Variants in PTPRD observed in about 807,000 individuals in gnomAD.
The protein encoded by PTPRD is protein tyrosine phosphatase receptor type D.
PTPRD carries 34 observed loss-of-function variants against 214.5 expected under a neutral mutation model. The ratio of observed to expected loss-of-function variants is 0.16; its 90% CI spans 0.12 to 0.21. The LOEUF (loss-of-function observed/expected upper bound fraction) is 0.21. Among genes scored for constraint, PTPRD ranks in the 10% least tolerant of loss-of-function variants. The pLI is 1.00. For missense variants in PTPRD, 2,545 were observed against 2,398.7 expected (o/e 1.06, Z -1.27); for synonymous variants, 1,128 against 845.7 (o/e 1.33, Z -5.79).
intron 2 of PTPRD, among the ~76,000 whole-genome samples, chr9:10,599,749 T>G (rs1427201708): frequency 6.6e-6 from 1 of 151,820 alleles, no homozygotes; most frequent in Non-Finnish European, 1.5e-5. Context: ...AAGATTGCTC[T>G]ATTTTAAAAA....
intron 39 of PTPRD, among the ~76,000 whole-genome samples, chr9:8,342,999 T>A (rs879289875): frequency 6.6e-6 from 1 of 152,024 alleles, no homozygotes; most frequent in East Asian, 1.9e-4. Context: ...GGGAGCTACA[T>A]GTGAAATTTT....
At chr9:8,560,448 C>T (rs2085741761) in intron 14 of PTPRD, among the ~76,000 whole-genome samples, 1 of 136,654 alleles carries the variant, frequency 7.3e-6, no homozygotes, top group Non-Finnish European at 1.5e-5. Context: ...CATACACACA[C>T]ACACACACAC....
intron 3 of PTPRD, among the ~76,000 whole-genome samples, chr9:10,110,411 G>C (rs1283910208): frequency 1.3e-5 from 2 of 152,134 alleles, no homozygotes; most frequent in African/African-American, 4.8e-5. Context: ...TTTTACATTT[G>C]GTTTTCTGTC....
intron 4 of PTPRD, among the ~76,000 whole-genome samples, chr9:9,980,632 A>C (rs1313309667): frequency 4.3e-5 from 2 of 46,890 alleles, no homozygotes; most frequent in African/African-American, 1.6e-4. Context: ...AAAAAAAAAA[A>C]AACAAAAAAA....
At chr9:8,852,051 C>T (rs1015784395) in intron 11 of PTPRD, among the ~76,000 whole-genome samples, 1 of 66,888 alleles carries the variant, frequency 1.5e-5, no homozygotes, top group African/African-American at 8.3e-5. Context: ...AATCCATCTA[C>T]TAACGGTTTA....
At chr9:8,880,838 G>T (rs2098439833) in intron 11 of PTPRD, among the ~76,000 whole-genome samples, 1 of 152,088 alleles carries the variant, frequency 6.6e-6, no homozygotes, top group African/African-American at 2.4e-5. Context: ...AGGCTGGAGT[G>T]CAGTGGTGCA....
At chr9:10,138,284 C>A (rs940455113) in intron 3 of PTPRD, among the ~76,000 whole-genome samples, 1 of 151,988 alleles carries the variant, frequency 6.6e-6, no homozygotes, top group Non-Finnish European at 1.5e-5. Flanking sequence ...AGTAGGAAAT[C>A]CAGAGGACAT....
At chr9:8,720,845 GGA>G (rs1284507391) in intron 12 of PTPRD, among the ~76,000 whole-genome samples, 3 of 152,014 alleles carry the variant, frequency 2.0e-5, no homozygotes, top group Admixed American at 2.0e-4. Context: ...CAATGAACCT[GGA>G]TAACTCTGGA....
Position 9,014,420 on chromosome 9 carries a change from T to A in PTPRD, c.-104+4277A>T, listed in dbSNP as rs994152819. On this transcript the variant is annotated intron_variant, in intron 11 of 45. Transcript: ENST00000381196. The stretch of plus-strand genomic sequence containing the variant: ...AAATGTCACCTAATAGTACAGCTTT[T>A]TACTTTGAACTTTTCTACATACTAA... Among the ~76,000 whole-genome samples the A allele has an allele frequency of 6.6e-5, 10 of 152,232 alleles. No individual in the cohort carries two copies. The South Asian group carries it at 1.0e-3, about 16-fold the overall frequency.
chr9:8,849,779 A>G (rs1444880993), intron 11 of PTPRD, among the ~76,000 whole-genome samples: 1 of 152,134 alleles, frequency 6.6e-6, no homozygotes, highest in Admixed American at 6.6e-5. Flanking sequence ...CTAGACATGC[A>G]ATTTGGGAGC....
At chr9:10,360,015 A>G (rs1003651205) in intron 2 of PTPRD, among the ~76,000 whole-genome samples, 3 of 152,214 alleles carry the variant, frequency 2.0e-5, no homozygotes, top group Non-Finnish European at 4.4e-5. Flanking sequence ...CATTTTTCTC[A>G]ATGTTCCTTT....
intron 11 of PTPRD, among the ~76,000 whole-genome samples, chr9:8,956,008 T>C (rs538636461): frequency 1.3e-4 from 20 of 152,040 alleles, no homozygotes; most frequent in African/African-American, 4.8e-4. Context: ...CCATCAAGTA[T>C]CCTTTAGAAA....
intron 7 of PTPRD, among the ~76,000 whole-genome samples, chr9:9,702,366 T>C (rs2097523548): frequency 6.6e-6 from 1 of 152,304 alleles, no homozygotes; most frequent in Non-Finnish European, 1.5e-5. Context: ...CACAACAGTA[T>C]AATATCATGG....
intron 11 of PTPRD, among the ~76,000 whole-genome samples, chr9:8,769,842 C>T (rs2095061862): frequency 6.6e-6 from 1 of 151,710 alleles, no homozygotes; most frequent in Non-Finnish European, 1.5e-5. Context: ...TGACCGCACT[C>T]CCCTGCTCCC....
At chr9:9,295,800 T>G (rs1304097599) in intron 9 of PTPRD, among the ~76,000 whole-genome samples, 2 of 151,836 alleles carry the variant, frequency 1.3e-5, no homozygotes. Context: ...GTGACTCTGG[T>G]GCATCCTAGA....
intron 39 of PTPRD, among the ~76,000 whole-genome samples, chr9:8,357,959 C>G (rs2077395210): frequency 1.3e-5 from 2 of 152,132 alleles, no homozygotes; most frequent in African/African-American, 4.8e-5. Context: ...CAAAGGAAAC[C>G]AATACTTCTT....
intron 4 of PTPRD, among the ~76,000 whole-genome samples, chr9:9,952,642 T>C (rs1232984279): frequency 1.3e-5 from 2 of 152,120 alleles, no homozygotes; most frequent in Non-Finnish European, 2.9e-5. Flanking sequence ...ATAATAACTA[T>C]TCTCCCTTCC....
chr9:10,045,936 C>A (rs570882931), intron 3 of PTPRD, among the ~76,000 whole-genome samples: 59 of 151,696 alleles, frequency 3.9e-4, no homozygotes, highest in African/African-American at 1.4e-3. Flanking sequence ...TGGGGAAAAT[C>A]GTCAATTAAA....
chr9:10,071,692 T>A (rs1023482577), intron 3 of PTPRD, among the ~76,000 whole-genome samples: 1 of 151,538 alleles, frequency 6.6e-6, no homozygotes, highest in African/African-American at 2.4e-5. Flanking sequence ...GAATAAAACA[T>A]GAGAAAAATT....
Sources: allele counts gnomAD v4.1 joint callset (sites outside exome capture counted in the v4.1 genomes callset), GRCh38; gene constraint gnomAD v4.1.1; transcripts MANE v1.5; gene names NCBI Gene and HGNC (gene_info 2026-07-23, HGNC 2026-07-21).